Variants in NAT1 observed in about 807,000 individuals in gnomAD.
NAT1 encodes the protein N-acetyltransferase 1, also known as arylamine N-acetyltransferase 1.
For synonymous variants in NAT1, 144 were observed against 122.6 expected (o/e 1.17, Z -1.16); for missense variants, 400 against 339.2 (o/e 1.18, Z -1.41).
At chr8:18,211,263 C>CA (rs1427525660) in intron 1 of NAT1, 3 of 152,340 alleles carry the variant, frequency 2.0e-5, no homozygotes, top group Admixed American at 2.0e-4. Flanking sequence ...CCTAGACAGA[C>CA]AGCCCCAGGA....
chr8:18,222,037 C>T lies in NAT1; in HGVS notation c.-6-5C>T, dbSNP rs1232078568. 4 of 1,599,908 alleles carry T rather than the reference C, an allele frequency of 2.5e-6. No individual in the cohort carries two copies. In the South Asian group the frequency reaches 4.5e-5, roughly 18 times the overall value. On this transcript the variant is annotated splice_polypyrimidine_tract_variant and splice_region_variant and intron_variant, in intron 2 of 2. Transcript: ENST00000307719. ...ATTTGCTTTCGTTTTGTTTTCCTTG[C>T]TTAGGGGATCATGGACATTGAAGCA...
rs1472009345 is a variant in NAT1 at position 18,222,304 on chromosome 8, C to G, written c.257C>G (p.Thr86Ser). The G allele has an allele frequency of 6.2e-7, 1 of 1,614,028 alleles. No individual in the cohort carries two copies. The change falls in exon 3 of 3, where the codon ACC becomes AGC. Residue 86 changes from threonine to serine, a missense_variant. By Grantham distance (58) the Thr-to-Ser change is moderately conservative (BLOSUM62 1). Coordinates refer to ENST00000307719, the MANE Select transcript of NAT1 (RefSeq NM_000662.8). ...GCTCTGACCACTATTGGTTTTGAGA[C>G]CACGATGTTGGGAGGGTATGTTTAC... is the stretch of plus-strand genomic sequence containing the variant. Reference protein sequence around the residue: ...YWALTTIGFETTMLGGYVYST... With the variant: ...YWALTTIGFESTMLGGYVYST...
At chr8:18,212,720 C>T (rs1804224446) in intron 1 of NAT1, 1 of 152,396 alleles carries the variant, frequency 6.6e-6, no homozygotes, top group African/African-American at 2.4e-5. Flanking sequence ...TAGAAGAACA[C>T]AGAAGGCAGG....
chr8:18,203,958 G>C (rs1313176305), intron 2 of NAT1, among the ~76,000 whole-genome samples: 2 of 152,130 alleles, frequency 1.3e-5, no homozygotes, highest in Non-Finnish European at 2.9e-5. Context: ...GTACTGTAAA[G>C]GAGCAGACAA....
intron 2 of NAT1, among the ~76,000 whole-genome samples, chr8:18,189,892 C>G (rs372048638): frequency 2.0e-4 from 31 of 152,088 alleles, no homozygotes; most frequent in Non-Finnish European, 1.5e-5. Context: ...TGGGTTCAAG[C>G]GATTCTCCTG....
upstream of NAT1, among the ~76,000 whole-genome samples, chr8:18,209,089 A>G (rs1190539211): frequency 6.6e-6 from 1 of 152,232 alleles, no homozygotes; most frequent in Non-Finnish European, 1.5e-5. Flanking sequence ...GCAGTGTTAT[A>G]CAAGCCTAAG....
At chr8:18,199,268 T>G (rs1481639258) in intron 2 of NAT1, among the ~76,000 whole-genome samples, 1 of 146,322 alleles carries the variant, frequency 6.8e-6, no homozygotes, top group East Asian at 2.0e-4. Context: ...GAGCCGAGAC[T>G]GCAACACTGC....
upstream of NAT1, among the ~76,000 whole-genome samples, chr8:18,205,623 G>A (rs553199148): frequency 3.3e-5 from 5 of 152,250 alleles, no homozygotes; most frequent in South Asian, 4.1e-4. Flanking sequence ...ACACATACTC[G>A]CCTGCTGGTG....
At chr8:18,210,576 C>G (rs1767970385) in intron 1 of NAT1, among the ~76,000 whole-genome samples, 2 of 152,194 alleles carry the variant, frequency 1.3e-5, no homozygotes, top group South Asian at 4.1e-4. Context: ...GGATTTCCCT[C>G]TTGGTTACTT....
At chr8:18,202,973 T>C (rs1392131105) in intron 2 of NAT1, among the ~76,000 whole-genome samples, 2 of 152,114 alleles carry the variant, frequency 1.3e-5, no homozygotes, top group African/African-American at 4.8e-5. Flanking sequence ...TTTTACAGAG[T>C]ACTGATTGGT....
At chr8:18,195,884 C>A (rs1803209081) in intron 2 of NAT1, among the ~76,000 whole-genome samples, 1 of 151,306 alleles carries the variant, frequency 6.6e-6, no homozygotes, top group Admixed American at 6.6e-5. Flanking sequence ...CACACACACA[C>A]ATAAATACAC....
chr8:18,218,161 C>T (rs747344412), intron 1 of NAT1, among the ~76,000 whole-genome samples: 14 of 152,136 alleles, frequency 9.2e-5, no homozygotes, highest in Admixed American at 3.9e-4. Context: ...TTCTGTGTCT[C>T]TATTTCATAT....
intron 2 of NAT1, among the ~76,000 whole-genome samples, chr8:18,186,227 A>T (rs1224692681): frequency 2.0e-5 from 3 of 152,150 alleles, no homozygotes; most frequent in Non-Finnish European, 4.4e-5. Context: ...CATTATGATT[A>T]TAGGTTTGTC....
intron 2 of NAT1, among the ~76,000 whole-genome samples, chr8:18,184,020 GCTTTC>G (rs1802627551): frequency 1.3e-5 from 2 of 152,040 alleles, no homozygotes; most frequent in Admixed American, 6.5e-5. Flanking sequence ...GTGGCTCTAT[GCTTTC>G]AGGGTCCCGG....
intron 2 of NAT1, among the ~76,000 whole-genome samples, chr8:18,182,366 G>T (rs919136104): frequency 7.2e-5 from 11 of 151,948 alleles, no homozygotes; most frequent in Non-Finnish European, 1.6e-4. Flanking sequence ...TACTATTAGT[G>T]CATTTTGTGT....
At chr8:18,193,627 C>T (rs1158007233) in intron 2 of NAT1, among the ~76,000 whole-genome samples, 4 of 135,744 alleles carry the variant, frequency 2.9e-5, no homozygotes, top group Non-Finnish European at 4.6e-5. Flanking sequence ...TACCTGTAAA[C>T]CTGCTTTTTT....
intron 2 of NAT1, among the ~76,000 whole-genome samples, chr8:18,197,311 A>G (rs901695548): frequency 6.6e-6 from 1 of 152,152 alleles, no homozygotes; most frequent in Non-Finnish European, 1.5e-5. Flanking sequence ...TCCCCACTTT[A>G]TAATTTACTA....
intron 2 of NAT1, among the ~76,000 whole-genome samples, chr8:18,175,727 T>C (rs1352797591): frequency 6.6e-6 from 1 of 152,058 alleles, no homozygotes. Context: ...TAAATATATA[T>C]CCAGAGTGCA....
At chr8:18,196,178 G>T (rs1174785282) in intron 2 of NAT1, among the ~76,000 whole-genome samples, 1 of 151,794 alleles carries the variant, frequency 6.6e-6, no homozygotes, top group Non-Finnish European at 1.5e-5. Context: ...TCAAACTCCT[G>T]ATCTCAAGTG....
Sources: gnomAD v4.1 joint callset for allele counts (sites outside exome capture counted in the v4.1 genomes callset) on GRCh38, gnomAD v4.1.1 for gene constraint, MANE v1.5 for transcripts, NCBI Gene and HGNC (gene_info 2026-07-23, HGNC 2026-07-21) for gene names.